The following GPRASP2 variants were observed in gnomAD, a reference collection of about 807,000 sequenced individuals.
GPRASP2 encodes the protein G protein-coupled receptor-associated sorting protein 2.
Under a neutral mutation model 36.0 loss-of-function variants are expected in GPRASP2, and 10 were observed. The observed-to-expected ratio is 0.28, with a 90% CI of 0.17 to 0.47. GPRASP2 has a LOEUF of 0.47. GPRASP2 is among the 20% of genes least tolerant of loss of function. The pLI is 0.99. For synonymous variants in GPRASP2, 219 were observed against 230.5 expected (o/e 0.95, Z 0.45); for missense variants, 538 against 626.7 (o/e 0.86, Z 1.51).
In GPRASP2 at chrX:102,715,826, G is replaced by A. The variant is rs1175599790; in HGVS notation, c.957G>A (p.Arg319=). 1 of 1,211,670 alleles carries A rather than the reference G, an allele frequency of 8.3e-7. No individual in the cohort carries two copies. The highest frequency in any genetic ancestry group is 2.2e-5 in the Admixed American group (1 of 45,999). Residue 319 remains arginine (R), a synonymous_variant, in exon 5 of 5, where the codon AGG becomes AGA. Coordinates refer to ENST00000483720, the MANE Select transcript of GPRASP2 (RefSeq NM_001004051.4). ...REEANIRSKL[R]TNREDCFESE... is the part of the protein sequence containing the mutation. ...AGGCAAATATCAGGTCCAAGCTCAGGACAAATAGAGAAGATTGTTTTGAAT... is the reference window on the plus strand; with the variant it reads ...AGGCAAATATCAGGTCCAAGCTCAGAACAAATAGAGAAGATTGTTTTGAAT...
rs2081934962 is a variant in GPRASP2 at position 102,714,756 on chromosome X, T to C, written c.-114T>C. The C allele has an allele frequency of 9.1e-7, 1 of 1,100,040 alleles. No homozygotes were observed. Among genetic ancestry groups the C allele is most frequent in the African/African-American group, 1.9e-5 (1 of 54,048 alleles). 90.7% of individuals were successfully genotyped at this position (1,100,040 alleles called of 1,213,427 possible). A position where few individuals can be genotyped will look rare whatever the true frequency, so the allele number is the denominator to read the frequency against. On this transcript the variant is annotated 5_prime_UTR_variant, in exon 5 of 5. Transcript: ENST00000483720. ...ACTCTAACTCTTATTCCCAAGCTTA[T>C]ATCCTTAATCACCTAAAGATCAGAG...
intron 4 of GPRASP2, 44 bp from the exon 5 acceptor site, chrX:102,714,493 C>T (rs2081929506): frequency 5.6e-6 from 1 of 178,456 alleles, no homozygotes; most frequent in African/African-American, 3.0e-5. Context: ...ACGTCTCATA[C>T]AATTGGAAGA....
At position 102,716,962 on chromosome X, in the gene GPRASP2, C is replaced by T; in HGVS notation, c.2093C>T (p.Thr698Ile). Residue 698 changes from threonine (T) to isoleucine (I), a missense_variant, in exon 5 of 5, where the codon ACT (threonine) becomes ATT (isoleucine). Physicochemically the swap from Thr to Ile is moderately conservative, Grantham distance 89. Coordinates refer to ENST00000483720, the MANE Select transcript of GPRASP2 (RefSeq NM_001004051.4). ...AHSVDSLEQL[T>I]GIRMLRHLTM... ...AGTGTGGATTCCCTTGAGCAGCTGA[C>T]TGGAATAAGGATGCTTAGACACCTC... is the stretch of plus-strand genomic sequence containing the variant. 3 of 1,202,275 alleles carry T rather than the reference C, an allele frequency of 2.5e-6. No homozygotes were observed. The highest frequency in any genetic ancestry group is 2.3e-4 in the Middle Eastern group (1 of 4,303).
Position 102,716,500 on chromosome X carries a change from T to G in GPRASP2, c.1631T>G (p.Leu544Arg), listed in dbSNP as rs748418372. The change falls in exon 5 of 5, where the codon CTT becomes CGT. Residue 544 changes from leucine to arginine, a missense_variant. By Grantham distance (102) the Leu-to-Arg change is moderately radical. This residue lies in a region of GPRASP2 where 262 missense variants were observed against 351.7 expected (regional missense o/e 0.74). Coordinates refer to ENST00000483720, the MANE Select transcript of GPRASP2 (RefSeq NM_001004051.4). ...GAAGGAGAAGAGCAGGAATCTTTGC[T>G]TCAGCCTGATCAGCCTAGTCCTGAG... ...SPEGEEQESL[L>R]QPDQPSPEFT... 2 of 1,210,482 alleles carry G rather than the reference T, an allele frequency of 1.7e-6. No homozygotes were observed. The highest frequency in any genetic ancestry group is 4.4e-5 in the Admixed American group (2 of 45,842).
Position 102,716,687 on chromosome X carries a change from C to A in GPRASP2, c.1818C>A (p.Asp606Glu), listed in dbSNP as rs753150242. ...EEFEEFLLLM[D>E]KIRDPFIHEI... Reference sequence around the variant, plus strand: ...TTGAAGAATTCCTTTTATTAATGGACAAAATTCGGGATCCTTTTATTCATG... The same window carrying A: ...TTGAAGAATTCCTTTTATTAATGGAAAAAATTCGGGATCCTTTTATTCATG... The change falls in exon 5 of 5, where the codon GAC becomes GAA. Residue 606 changes from aspartate to glutamate, a missense_variant. Asp to Glu is a conservative substitution (Grantham distance 45, BLOSUM62 2). Around this residue, in one of 2 missense-constraint regions of GPRASP2, gnomAD observed 262 missense variants for 351.7 expected, o/e 0.74. Transcript: ENST00000483720. The A allele has an allele frequency of 3.3e-6, 4 of 1,211,798 alleles. No homozygotes were observed. The highest frequency in any genetic ancestry group is 3.5e-5 in the South Asian group (2 of 56,963).
Position 102,715,720 on chromosome X carries a change from C to G in GPRASP2, c.851C>G (p.Ser284Cys). ...GCCTATGTTGATTCCTGGTCTGGATCTGAGGATGAGGCCAGCAACCCATTC... is the reference window on the plus strand; with the variant it reads ...GCCTATGTTGATTCCTGGTCTGGATGTGAGGATGAGGCCAGCAACCCATTC... ...QEAYVDSWSG[S>C]EDEASNPFSF... Residue 284 changes from serine to cysteine, a missense_variant, in exon 5 of 5, where the codon TCT becomes TGT. Coordinates refer to ENST00000483720, the MANE Select transcript of GPRASP2 (RefSeq NM_001004051.4). The G allele has an allele frequency of 8.3e-7, 1 of 1,211,958 alleles. No individual in the cohort carries two copies. Among genetic ancestry groups the G allele is most frequent in the Non-Finnish European group, 1.1e-6 (1 of 895,598 alleles).
At chrX:102,712,770 G>A (rs1408654493) in intron 1 of GPRASP2, among the ~76,000 whole-genome samples, 2 of 112,901 alleles carry the variant, frequency 1.8e-5, no homozygotes, top group Admixed American at 9.2e-5. Context: ...GGCTGGCTCG[G>A]GAGGCACCGC....
chrX:102,716,859 C>T lies in GPRASP2; in HGVS notation c.1990C>T (p.His664Tyr), dbSNP rs760895109. The T allele has an allele frequency of 8.3e-7, 1 of 1,211,518 alleles. No individual in the cohort carries two copies. Among genetic ancestry groups the T allele is most frequent in the African/African-American group, 1.7e-5 (1 of 57,760 alleles). Residue 664 changes from histidine to tyrosine, a missense_variant, in exon 5 of 5, where the codon CAC becomes TAC. His to Tyr is a moderately conservative substitution (Grantham distance 83). Around this residue, in one of 2 missense-constraint regions of GPRASP2, gnomAD observed 262 missense variants for 351.7 expected, o/e 0.74. Transcript: ENST00000483720. ...VRTSFLENMI[H>Y]MAPPYPNLNM... is the part of the protein sequence containing the mutation. Reference sequence around the variant, plus strand: ...GACAAGTTTTTTGGAAAATATGATTCACATGGCTCCACCTTATCCAAATCT... The same window carrying T: ...GACAAGTTTTTTGGAAAATATGATTTACATGGCTCCACCTTATCCAAATCT...
In GPRASP2 at chrX:102,716,709, C is replaced by T. The variant is rs1225274923; in HGVS notation, c.1840C>T (p.His614Tyr). 18 of 1,210,437 alleles carry T rather than the reference C, an allele frequency of 1.5e-5. No individual in the cohort carries two copies. The highest frequency in any genetic ancestry group is 2.0e-5 in the Non-Finnish European group (18 of 895,411). ...GGACAAAATTCGGGATCCTTTTATTCATGAAATATCTAAAATTGCAATGGG... is the reference window on the plus strand; with the variant it reads ...GGACAAAATTCGGGATCCTTTTATTTATGAAATATCTAAAATTGCAATGGG... The part of the protein sequence containing the change: ...LMDKIRDPFI[H>Y]EISKIAMGMR... The change falls in exon 5 of 5, where the codon CAT (histidine) becomes TAT (tyrosine). Residue 614 changes from histidine to tyrosine, a missense_variant. Physicochemically the swap from His to Tyr is moderately conservative, Grantham distance 83. Around this residue, in one of 2 missense-constraint regions of GPRASP2, gnomAD observed 262 missense variants for 351.7 expected, o/e 0.74. Transcript: ENST00000483720.
At position 102,714,996 on chromosome X, in the gene GPRASP2, C is replaced by G. The variant is rs754026376; in HGVS notation, c.127C>G (p.Gln43Glu). 1 of 1,212,432 alleles carries G rather than the reference C, an allele frequency of 8.2e-7. No individual in the cohort carries two copies. Among genetic ancestry groups the G allele is most frequent in the South Asian group, 1.8e-5 (1 of 57,029 alleles). The change falls in exon 5 of 5, where the codon CAG (glutamine) becomes GAG (glutamate). Residue 43 changes from glutamine (Q) to glutamate (E), a missense_variant. This residue lies in a region of GPRASP2 where 276 missense variants were observed against 275.0 expected (regional missense o/e 1.00). Transcript: ENST00000483720. The stretch of plus-strand genomic sequence containing the variant: ...GGTGGTCAGACCCAAGGTTAGGACC[C>G]AGGCAACTACTGGGGCAAGGCCCAA... ...PLVVRPKVRT[Q>E]ATTGARPKTE...
rs2081980861 is a variant in GPRASP2 at position 102,717,396 on chromosome X, C to T, written c.*10C>T. On this transcript the variant is annotated 3_prime_UTR_variant, in exon 5 of 5. Coordinates refer to ENST00000483720, the MANE Select transcript of GPRASP2 (RefSeq NM_001004051.4). ...GGGACAACAAAGTTAATATGATTAACCACCTGCCGCTGATCAGCCTTATGT... is the reference window on the plus strand; with the variant it reads ...GGGACAACAAAGTTAATATGATTAATCACCTGCCGCTGATCAGCCTTATGT... The T allele has an allele frequency of 1.9e-6, 2 of 1,053,399 alleles. No homozygotes were observed. The highest frequency in any genetic ancestry group is 3.3e-5 in the East Asian group (1 of 30,565). 86.8% of individuals were successfully genotyped at this position (1,053,399 alleles called of 1,213,427 possible). A position where few individuals can be genotyped will look rare whatever the true frequency, so the allele number is the denominator to read the frequency against.
Position 102,715,141 on chromosome X carries a change from A to G in GPRASP2, c.272A>G (p.Gln91Arg), listed in dbSNP as rs773003579. The G allele has an allele frequency of 6.6e-6, 8 of 1,212,549 alleles. No individual in the cohort carries two copies. Among genetic ancestry groups the G allele is most frequent in the Non-Finnish European group, 8.9e-6 (8 of 895,645 alleles). Residue 91 changes from glutamine (Q) to arginine (R), a missense_variant, in exon 5 of 5, where the codon CAA becomes CGA. Transcript: ENST00000483720. The stretch of plus-strand genomic sequence containing the variant: ...GGTGCAAGACCCAAAACGGAGGCTC[A>G]AGGAATCACAGGGGCCAGGCCCAAA... ...MGGARPKTEA[Q>R]GITGARPKTD...
At position 102,717,048 on chromosome X, in the gene GPRASP2, T is replaced by C. The variant is rs763374238; in HGVS notation, c.2179T>C (p.Leu727=). 8.3e-7 allele frequency: 1 copy of C among 1,203,897 alleles called. No individual in the cohort carries two copies. Among genetic ancestry groups the C allele is most frequent in the Non-Finnish European group, 1.1e-6 (1 of 889,332 alleles). ...CTATATGTCCGGGTTTCTCTCCTTATTAACCACAGCCAATGCGAGAACGAA... is the reference window on the plus strand; with the variant it reads ...CTATATGTCCGGGTTTCTCTCCTTACTAACCACAGCCAATGCGAGAACGAA... ...ANYMSGFLSL[L]TTANARTKFH... The change falls in exon 5 of 5, where the codon TTA becomes CTA. Residue 727 remains leucine, a synonymous_variant. Coordinates refer to ENST00000483720, the MANE Select transcript of GPRASP2 (RefSeq NM_001004051.4).
rs2081972716 is a variant in GPRASP2 at position 102,716,885 on chromosome X, A to G, written c.2016A>G (p.Leu672=). 8.3e-7 allele frequency: 1 copy of G among 1,209,519 alleles called. No individual in the cohort carries two copies. The part of the protein sequence containing the change: ...MIHMAPPYPN[L]NMIETFICQV... The stretch of plus-strand genomic sequence containing the variant: ...ACATGGCTCCACCTTATCCAAATCT[A>G]AACATGATTGAGACATTCATATGTC... Residue 672 remains leucine (L), a synonymous_variant, in exon 5 of 5, where the codon CTA becomes CTG. Transcript: ENST00000483720.
rs762327307 is a variant in GPRASP2 at position 102,717,306 on chromosome X, C to T, written c.2437C>T (p.Arg813Cys). 4 of 1,096,351 alleles carry T rather than the reference C, an allele frequency of 3.6e-6. No individual in the cohort carries two copies. Among genetic ancestry groups the T allele is most frequent in the African/African-American group, 1.9e-5 (1 of 53,616 alleles). 90.4% of individuals were successfully genotyped at this position (1,096,351 alleles called of 1,213,427 possible). Residue 813 changes from arginine to cysteine, a missense_variant, in exon 5 of 5, where the codon CGT (arginine) becomes TGT (cysteine). Coordinates refer to ENST00000483720, the MANE Select transcript of GPRASP2 (RefSeq NM_001004051.4). ...TCTTGAGCCGCTTATTTCTGCATTT[C>T]GTGAATTTGAGGAGTTAGCTAAGCA... ...FSLEPLISAF[R>C]EFEELAKQLQ... is the part of the protein sequence containing the mutation.
In GPRASP2 at chrX:102,715,315, A is replaced by G; in HGVS notation, c.446A>G (p.Asn149Ser). 8.2e-7 allele frequency: 1 copy of G among 1,212,450 alleles called. No individual in the cohort carries two copies. Among genetic ancestry groups the G allele is most frequent in the Non-Finnish European group, 1.1e-6 (1 of 895,640 alleles). Residue 149 changes from asparagine to serine, a missense_variant, in exon 5 of 5, where the codon AAT becomes AGT. Physicochemically the swap from Asn to Ser is conservative, Grantham distance 46. Coordinates refer to ENST00000483720, the MANE Select transcript of GPRASP2 (RefSeq NM_001004051.4). ...CAGGCAGAAGGAGTGTCCCAGACTA[A>G]TGCCGTTGCTTGGCCACTGGCCACT... ...VSQAEGVSQT[N>S]AVAWPLATAE...
Position 102,715,172 on chromosome X carries a change from T to C in GPRASP2, c.303T>C (p.Asp101=). The C allele has an allele frequency of 2.5e-6, 3 of 1,212,446 alleles. No individual in the cohort carries two copies. In the East Asian group the frequency reaches 8.9e-5, roughly 36 times the overall value. The change falls in exon 5 of 5, where the codon GAT becomes GAC. Residue 101 remains aspartate (D), a synonymous_variant. Coordinates refer to ENST00000483720, the MANE Select transcript of GPRASP2 (RefSeq NM_001004051.4). ...QGITGARPKT[D]ARAVGGARSK... ...TCACAGGGGCCAGGCCCAAAACCGA[T>C]GCCAGGGCAGTAGGTGGCGCTCGTT...
In GPRASP2 at chrX:102,715,046, G is replaced by A. The variant is rs758947656; in HGVS notation, c.177G>A (p.Ala59=). 4.0e-5 allele frequency: 48 copies of A among 1,211,484 alleles called. No individual in the cohort carries two copies. Among genetic ancestry groups the A allele is most frequent in the Non-Finnish European group, 4.9e-5 (44 of 895,496 alleles). Reference sequence around the variant, plus strand: ...AAACTGAGACCAAGTCTGTGCCTGCGGCAAGGCCCAAAACTGAGGCCCAAG... The same window carrying A: ...AAACTGAGACCAAGTCTGTGCCTGCAGCAAGGCCCAAAACTGAGGCCCAAG... ...RPKTETKSVP[A]ARPKTEAQAM... The change falls in exon 5 of 5, where the codon GCG becomes GCA. Residue 59 remains alanine, a synonymous_variant. Transcript: ENST00000483720.
chrX:102,713,664 G>A (rs752316410), intron 2 of GPRASP2, 118 bp from the exon 3 acceptor site: 5 of 112,835 alleles, frequency 4.4e-5, no homozygotes, highest in Non-Finnish European at 9.4e-5. Flanking sequence ...CCCGAATGTT[G>A]AAAGACAGAT....
Sources: gnomAD v4.1 joint callset for allele counts (sites outside exome capture counted in the v4.1 genomes callset) on GRCh38, gnomAD v4.1.1 for gene constraint, gnomAD v4.1.1 regional missense constraint, MANE v1.5 for transcripts, NCBI Gene and HGNC (gene_info 2026-07-23, HGNC 2026-07-21) for gene names.